BATF3: variants seen among roughly 807,000 people sequenced by gnomAD.
BATF3 encodes the protein basic leucine zipper transcriptional factor ATF-like 3.
BATF3 carries 8 observed loss-of-function variants against 16.1 expected under a neutral mutation model. The ratio of observed to expected loss-of-function variants is 0.50; its 90% CI spans 0.29 to 0.90. The LOEUF is 0.90. Ranked by LOEUF, BATF3 falls within the 40% of genes least tolerant of loss-of-function variation. The pLI, the probability that BATF3 is intolerant of heterozygous loss-of-function variation, is 0.08. For synonymous variants in BATF3, 74 were observed against 72.7 expected (o/e 1.02, Z -0.09); for missense variants, 139 against 167.0 (o/e 0.83, Z 0.92).
intron 2 of BATF3, among the ~76,000 whole-genome samples, chr1:212,692,601 C>T (rs1020493861): frequency 1.5e-4 from 23 of 152,248 alleles, no homozygotes; most frequent in African/African-American, 5.3e-4. Flanking sequence ...CCACACCTGG[C>T]TAATTTTTGT....
chr1:212,695,950 G>T (rs1657116126), intron 2 of BATF3, among the ~76,000 whole-genome samples: 1 of 152,174 alleles, frequency 6.6e-6, no homozygotes, highest in African/African-American at 2.4e-5. Flanking sequence ...AAGTCTCAGG[G>T]TAAACGGACA....
At chr1:212,690,998 TG>T (rs1335597060) in intron 2 of BATF3, among the ~76,000 whole-genome samples, 2 of 152,224 alleles carry the variant, frequency 1.3e-5, no homozygotes, top group Non-Finnish European at 2.9e-5. Context: ...AGGCCAGGGA[TG>T]CTGCTCAACA....
intron 2 of BATF3, among the ~76,000 whole-genome samples, chr1:212,692,403 C>T (rs972136431): frequency 1.3e-5 from 2 of 151,898 alleles, no homozygotes; most frequent in African/African-American, 4.8e-5. Context: ...CAAAAAAAAC[C>T]CAAAAAAACC....
In BATF3 at chr1:212,686,651, A is replaced by C; in HGVS notation, c.*140T>G. The C allele has an allele frequency of 6.5e-6, 9 of 1,376,222 alleles. No homozygotes were observed. The highest frequency in any genetic ancestry group is 8.6e-6 in the Non-Finnish European group (9 of 1,043,790). 85.3% of individuals were successfully genotyped at this position (1,376,222 alleles called of 1,614,324 possible). A position where few individuals can be genotyped will look rare whatever the true frequency, so the allele number is the denominator to read the frequency against. On this transcript the variant is annotated 3_prime_UTR_variant, in exon 3 of 3. Transcript: ENST00000243440. ...GTCGGGCTGAGCCCAGTCTGCAGGG[A>C]ACACAGCTGGCTGGTCCTGGAGCTC... is the stretch of plus-strand genomic sequence containing the variant.
chr1:212,687,971 G>GAAAGA (rs1656888887), intron 2 of BATF3, among the ~76,000 whole-genome samples: 1 of 102,622 alleles, frequency 9.7e-6, no homozygotes, highest in African/African-American at 4.3e-5. Context: ...GAAAAAAAAA[G>GAAAGA]AAAGAAAGAA....
At position 212,686,704 on chromosome 1, in the gene BATF3, C is replaced by A. The variant is rs1558018605; in HGVS notation, c.*87G>T. On this transcript the variant is annotated 3_prime_UTR_variant, in exon 3 of 3. Coordinates refer to ENST00000243440, the MANE Select transcript of BATF3 (RefSeq NM_018664.3). The stretch of plus-strand genomic sequence containing the variant: ...AGGAGGAGGCCTGGCCACAGGTGCC[C>A]CCTGTATACAATTGTGAAGGAAAAG... 6.7e-7 allele frequency: 1 copy of A among 1,482,452 alleles called. No homozygotes were observed. The highest frequency in any genetic ancestry group is 2.5e-5 in the East Asian group (1 of 40,622). 91.8% of individuals were successfully genotyped at this position (1,482,452 alleles called of 1,614,324 possible).
chr1:212,696,055 T>A (rs561585627), intron 2 of BATF3, among the ~76,000 whole-genome samples: 11 of 150,316 alleles, frequency 7.3e-5, no homozygotes, highest in African/African-American at 2.7e-4. Context: ...GGGTCTAGGG[T>A]CCAGGACAGA....
intron 2 of BATF3, among the ~76,000 whole-genome samples, chr1:212,690,188 G>C (rs1447918166): frequency 6.6e-6 from 1 of 152,192 alleles, no homozygotes; most frequent in Non-Finnish European, 1.5e-5. Context: ...GATTCCAAAG[G>C]ACAAGAAGCC....
At chr1:212,695,139 G>T (rs1201803400) in intron 2 of BATF3, among the ~76,000 whole-genome samples, 1 of 152,122 alleles carries the variant, frequency 6.6e-6, no homozygotes. Context: ...AAGGCAGGTG[G>T]ATCGCTTGAG....
At position 212,686,638 on chromosome 1, in the gene BATF3, C is replaced by A. The variant is rs887331645; in HGVS notation, c.*153G>T. On this transcript the variant is annotated 3_prime_UTR_variant, in exon 3 of 3. Coordinates refer to ENST00000243440, the MANE Select transcript of BATF3 (RefSeq NM_018664.3). ...GCGCCTGTTGGATGTCGGGCTGAGC[C>A]CAGTCTGCAGGGAACACAGCTGGCT... 4.6e-6 allele frequency: 6 copies of A among 1,308,524 alleles called. No individual in the cohort carries two copies. The Admixed American group carries it at 1.7e-4, about 38-fold the overall frequency. 81.1% of individuals were successfully genotyped at this position (1,308,524 alleles called of 1,614,324 possible).
chr1:212,690,938 AGTTTGG>A (rs1656985249), intron 2 of BATF3, among the ~76,000 whole-genome samples: 1 of 152,252 alleles, frequency 6.6e-6, no homozygotes, highest in South Asian at 2.1e-4. Flanking sequence ...GTATGGAGAC[AGTTTGG>A]GTTATCGCAG....
intron 1 of BATF3, chr1:212,698,761 CAGAA>C (rs549227394): frequency 2.0e-5 from 3 of 152,394 alleles, no homozygotes; most frequent in East Asian, 3.9e-4. Flanking sequence ...TTAATCAAGA[CAGAA>C]AGAGGTGAGC....
Position 212,699,264 on chromosome 1 carries a change from C to CA in BATF3, c.90+408dup, listed in dbSNP as rs1553247693. ...TCCATTCCCGCGGCAGCACCCCCCC[C>CA]ACCCGGGGGAATCCTGGAGGGGCTA... is the stretch of plus-strand genomic sequence containing the variant. On this transcript the variant is annotated intron_variant, in intron 1 of 2. Coordinates refer to ENST00000243440, the MANE Select transcript of BATF3 (RefSeq NM_018664.3). This position sits in a 1 kb window ranked among gnomAD's most constrained non-coding sequence, Gnocchi z 4.4. 7.9e-5 allele frequency among the ~76,000 whole-genome samples: 12 copies of CA among 152,288 alleles called. No individual in the cohort carries two copies. The highest frequency in any genetic ancestry group is 1.6e-4 in the Non-Finnish European group (11 of 68,000).
intron 2 of BATF3, among the ~76,000 whole-genome samples, chr1:212,692,719 C>T (rs1053841044): frequency 3.3e-5 from 5 of 151,990 alleles, no homozygotes; most frequent in Admixed American, 1.3e-4. Flanking sequence ...ATTACAGGCA[C>T]GAGCCACTGT....
intron 1 of BATF3, chr1:212,697,305 G>A: frequency 2.3e-6 from 1 of 432,858 alleles, no homozygotes; most frequent in East Asian, 4.2e-5. Context: ...AACTCAGAGA[G>A]GTTAAGGACC....
intron 2 of BATF3, among the ~76,000 whole-genome samples, chr1:212,693,282 C>A (rs1657043311): frequency 6.6e-6 from 1 of 152,178 alleles, no homozygotes; most frequent in Non-Finnish European, 1.5e-5. Context: ...TTTGGTTCTG[C>A]AGAAGGTTTG....
At chr1:212,696,731 C>G (rs1657141749) in intron 2 of BATF3, among the ~76,000 whole-genome samples, 2 of 152,230 alleles carry the variant, frequency 1.3e-5, no homozygotes, top group African/African-American at 4.8e-5. Context: ...AGAAGAGGCT[C>G]TGTTTTGTTT....
At chr1:212,694,227 T>C (rs974626326) in intron 2 of BATF3, among the ~76,000 whole-genome samples, 2 of 152,262 alleles carry the variant, frequency 1.3e-5, no homozygotes, top group East Asian at 1.9e-4. Context: ...GCAGCCCTGC[T>C]GCCATCTTCA....
intron 2 of BATF3, among the ~76,000 whole-genome samples, chr1:212,692,115 C>G (rs184829715): frequency 6.6e-6 from 1 of 152,208 alleles, no homozygotes; most frequent in Non-Finnish European, 1.5e-5. Context: ...CCTCTTCCCC[C>G]ATTCTCCCCT....
Sources: allele counts gnomAD v4.1 joint callset (sites outside exome capture counted in the v4.1 genomes callset), GRCh38; gene constraint gnomAD v4.1.1; non-coding constraint Gnocchi (gnomAD v3.1); transcripts MANE v1.5; gene names NCBI Gene and HGNC (gene_info 2026-07-23, HGNC 2026-07-21).